Variants in SMIM35 observed in about 807,000 individuals in gnomAD.
SMIM35 encodes small integral membrane protein 35, also known as TMPRSS4 antisense RNA 1 (non-protein coding).
At chr11:118,037,506 C>G (rs1943921803) in intron 1 of SMIM35, among the ~76,000 whole-genome samples, 1 of 152,164 alleles carries the variant, frequency 6.6e-6, no homozygotes, top group Admixed American at 6.5e-5. Context: ...TGTATGCGAT[C>G]TCGAATTTTT....
At chr11:118,031,550 G>T (rs2135057806) in intron 1 of SMIM35, among the ~76,000 whole-genome samples, 1 of 152,200 alleles carries the variant, frequency 6.6e-6, no homozygotes, top group African/African-American at 2.4e-5. Flanking sequence ...ATCAAAATTT[G>T]ATTTGATATT....
At chr11:118,011,818 C>G (rs2058152161) in intron 4 of SMIM35, among the ~76,000 whole-genome samples, 1 of 152,146 alleles carries the variant, frequency 6.6e-6, no homozygotes, top group Admixed American at 6.5e-5. Flanking sequence ...CCTGCTATTC[C>G]AAGAGGCCTT....
rs144907360 is a variant in SMIM35 at position 118,017,814 on chromosome 11, A to G, written c.8-2005T>C. 2.4e-3 allele frequency among the ~76,000 whole-genome samples: 370 copies of G among 152,330 alleles called. 3 individuals are homozygous for G. Among genetic ancestry groups the G allele is most frequent in the African/African-American group, 8.4e-3 (348 of 41,572 alleles). Reference sequence around the variant, plus strand: ...GGGAAACAAACACGTCCTTCTTCACATGACGGCAGGAAGGAGAAGAGTGCC... The same window carrying G: ...GGGAAACAAACACGTCCTTCTTCACGTGACGGCAGGAAGGAGAAGAGTGCC... On this transcript the variant is annotated intron_variant, in intron 1 of 4. Transcript: ENST00000689828.
chr11:118,020,562 T>C (rs115173380), intron 1 of SMIM35, among the ~76,000 whole-genome samples: 2,620 of 152,286 alleles, frequency 0.017, 72 homozygotes, highest in African/African-American at 0.06. Context: ...TAGACTGTCA[T>C]ATGTTTTATA....
chr11:118,070,210 C>T (rs1944550026), intron 1 of SMIM35, among the ~76,000 whole-genome samples: 1 of 152,052 alleles, frequency 6.6e-6, no homozygotes, highest in African/African-American at 2.4e-5. Flanking sequence ...TGGAGTTTCA[C>T]TCATTGCCCA....
At chr11:118,051,867 A>AATACTAATACTC (rs1944221563) in intron 1 of SMIM35, among the ~76,000 whole-genome samples, 1 of 130,610 alleles carries the variant, frequency 7.7e-6, no homozygotes, top group East Asian at 2.3e-4. Context: ...TACTAATACT[A>AATACTAATACTC]TACTAATACT....
chr11:118,052,728 C>T (rs1420600018), intron 1 of SMIM35, among the ~76,000 whole-genome samples: 1 of 152,042 alleles, frequency 6.6e-6, no homozygotes, highest in Non-Finnish European at 1.5e-5. Flanking sequence ...TAGGCATTGG[C>T]TTATAATGTG....
chr11:118,004,223 G>C lies in SMIM35; in HGVS notation c.*2187C>G, dbSNP rs2058111320. ...TTACCTCCAAATACCGTCACATTGG[G>C]AGTGACAGCTTCAACATGAATTTGG... On this transcript the variant is annotated 3_prime_UTR_variant, in exon 5 of 5. Coordinates refer to ENST00000689828, the MANE Select transcript of SMIM35 (RefSeq NM_001394165.1). 6.6e-6 allele frequency: 1 copy of C among 152,212 alleles called. No individual in the cohort carries two copies. The highest frequency in any genetic ancestry group is 6.5e-5 in the Admixed American group (1 of 15,276). 9.4% of individuals were successfully genotyped at this position (152,212 alleles called of 1,614,324 possible). A position where few individuals can be genotyped will look rare whatever the true frequency, so the allele number is the denominator to read the frequency against.
chr11:118,019,497 T>C (rs1271032111), intron 1 of SMIM35, among the ~76,000 whole-genome samples: 3 of 152,178 alleles, frequency 2.0e-5, no homozygotes, highest in Admixed American at 6.5e-5. Flanking sequence ...AGAAGGGAGC[T>C]GGACAGAGAC....
intron 1 of SMIM35, among the ~76,000 whole-genome samples, chr11:118,026,643 A>G (rs1473922666): frequency 6.6e-6 from 1 of 152,118 alleles, no homozygotes; most frequent in Non-Finnish European, 1.5e-5. Flanking sequence ...AGAGGGAAAT[A>G]ATGTATCTAC....
intron 1 of SMIM35, among the ~76,000 whole-genome samples, chr11:118,069,042 A>C (rs1177522936): frequency 1.3e-5 from 2 of 152,216 alleles, no homozygotes; most frequent in Non-Finnish European, 2.9e-5. Flanking sequence ...CCCTAATGGA[A>C]AACTGAATCA....
At chr11:118,077,935 C>T (rs1303905961) in intron 1 of SMIM35, among the ~76,000 whole-genome samples, 6 of 134,066 alleles carry the variant, frequency 4.5e-5, no homozygotes, top group African/African-American at 1.6e-4. Flanking sequence ...ATCGCTTGAA[C>T]TTGGGAGGCG....
At chr11:118,016,552 G>A (rs2058184940) in intron 1 of SMIM35, among the ~76,000 whole-genome samples, 1 of 152,194 alleles carries the variant, frequency 6.6e-6, no homozygotes, top group African/African-American at 2.4e-5. Context: ...GAAGAATGGA[G>A]TGATTCCCCA....
intron 1 of SMIM35, among the ~76,000 whole-genome samples, chr11:118,063,064 C>T (rs866802891): frequency 1.7e-4 from 26 of 152,212 alleles, no homozygotes; most frequent in Middle Eastern, 6.8e-3. Flanking sequence ...AGGAAGGTAT[C>T]CTATTTGGTC....
intron 1 of SMIM35, among the ~76,000 whole-genome samples, chr11:118,045,770 A>G (rs181619624): frequency 1.3e-5 from 2 of 152,328 alleles, no homozygotes; most frequent in East Asian, 1.9e-4. Context: ...CTTTCAACCC[A>G]GTATAATGAA....
intron 1 of SMIM35, among the ~76,000 whole-genome samples, chr11:118,018,726 G>A (rs1210054123): frequency 6.6e-6 from 1 of 152,180 alleles, no homozygotes; most frequent in Non-Finnish European, 1.5e-5. Context: ...GAGATGTTAT[G>A]TCTCCACTGT....
chr11:118,043,733 C>G (rs1457252928), intron 1 of SMIM35, among the ~76,000 whole-genome samples: 1 of 151,384 alleles, frequency 6.6e-6, no homozygotes, highest in Non-Finnish European at 1.5e-5. Flanking sequence ...TCGCTTGAAC[C>G]CGGGAGGTGG....
At chr11:118,032,441 T>C (rs1341977643) in intron 1 of SMIM35, among the ~76,000 whole-genome samples, 1 of 152,256 alleles carries the variant, frequency 6.6e-6, no homozygotes, top group Non-Finnish European at 1.5e-5. Flanking sequence ...TTTCATGATA[T>C]GCATTTTAAT....
At chr11:118,074,814 G>A (rs914418338) in intron 1 of SMIM35, among the ~76,000 whole-genome samples, 1 of 151,250 alleles carries the variant, frequency 6.6e-6, no homozygotes, top group African/African-American at 2.4e-5. Flanking sequence ...TGGGAGAGGT[G>A]GGCCTCTGTT....
Sources: allele counts gnomAD v4.1 joint callset (sites outside exome capture counted in the v4.1 genomes callset), GRCh38; gene constraint gnomAD v4.1.1; transcripts MANE v1.5; gene names NCBI Gene and HGNC (gene_info 2026-07-23, HGNC 2026-07-21).